Variants in SPICE1 observed in about 807,000 individuals in gnomAD.
The protein encoded by SPICE1 is spindle and centriole associated protein 1.
Under a neutral mutation model 102.7 loss-of-function variants are expected in SPICE1, and 75 were observed. The ratio of observed to expected loss-of-function variants is 0.73; its 90% CI spans 0.61 to 0.88. The LOEUF (loss-of-function observed/expected upper bound fraction) is 0.88, where lower values mean the gene tolerates loss of function less well. SPICE1 is among the 40% of genes least tolerant of loss of function. The pLI, the probability that SPICE1 is intolerant of heterozygous loss-of-function variation, is 0.00. For synonymous variants in SPICE1, 308 were observed against 350.3 expected, an observed-to-expected ratio of 0.88 and a Z score of 1.35; for missense variants, 979 against 1,020.1, an observed-to-expected ratio of 0.96 and a Z score of 0.55.
chr3:113,470,643 T>C (rs554012850), intron 7 of SPICE1, among the ~76,000 whole-genome samples: 25 of 152,342 alleles, frequency 1.6e-4, no homozygotes, highest in African/African-American at 6.0e-4. Context: ...TAAGTTCAAC[T>C]GTTTTAATTT....
rs759760969 is a variant in SPICE1, at chr3:113,457,359, TGAA to T, written c.1436-5_1436-3del. ...CATTGGCATTTACAACTGGACGCTC[TGAA>T]GAAGATGAGAGGATATTAGTACAAT... On this transcript the variant is annotated splice_region_variant and splice_polypyrimidine_tract_variant and intron_variant, in intron 12 of 17. Coordinates refer to ENST00000295872, the MANE Select transcript of SPICE1 (RefSeq NM_144718.4). 1.9e-5 allele frequency: 30 copies of T among 1,613,842 alleles called. No homozygotes were observed. Among genetic ancestry groups the T allele is most frequent in the Non-Finnish European group, 1.7e-6 (2 of 1,179,928 alleles).
chr3:113,513,025 T>G (rs1316407929), intron 1 of SPICE1, among the ~76,000 whole-genome samples: 1 of 152,180 alleles, frequency 6.6e-6, no homozygotes, highest in Non-Finnish European at 1.5e-5. Context: ...CCTCCCTCAG[T>G]GACCTCACCA....
chr3:113,498,271 C>G (rs1290554911), intron 4 of SPICE1, among the ~76,000 whole-genome samples: 1 of 152,116 alleles, frequency 6.6e-6, no homozygotes, highest in Non-Finnish European at 1.5e-5. Context: ...GGCAGCAGAT[C>G]TACAAAAAGA....
intron 7 of SPICE1, among the ~76,000 whole-genome samples, chr3:113,474,262 T>G (rs1186348223): frequency 2.0e-5 from 3 of 152,040 alleles, no homozygotes; most frequent in Admixed American, 6.5e-5. Context: ...ATGCACCCAA[T>G]ACAGGAGCAC....
At chr3:113,506,053 T>C (rs1256966327) in intron 2 of SPICE1, among the ~76,000 whole-genome samples, 1 of 152,156 alleles carries the variant, frequency 6.6e-6, no homozygotes, top group Admixed American at 6.5e-5. Context: ...ATTGAGCAAT[T>C]CATGGGATAA....
intron 7 of SPICE1, among the ~76,000 whole-genome samples, chr3:113,484,381 A>T (rs888903604): frequency 2.6e-5 from 4 of 151,844 alleles, no homozygotes; most frequent in African/African-American, 9.7e-5. Flanking sequence ...TATCCCCTTC[A>T]GTTCTGCTTT....
chr3:113,454,653 T>C (rs1379515329), intron 13 of SPICE1, among the ~76,000 whole-genome samples: 1 of 151,328 alleles, frequency 6.6e-6, no homozygotes, highest in African/African-American at 2.4e-5. Context: ...GAGGCAGAGG[T>C]TGCAGTGAGC....
intron 6 of SPICE1, among the ~76,000 whole-genome samples, chr3:113,490,926 C>T (rs536155549): frequency 1.1e-3 from 170 of 152,298 alleles, no homozygotes; most frequent in African/African-American, 4.0e-3. Flanking sequence ...GGCTTTGGGT[C>T]AGGCCCTCAC....
intron 7 of SPICE1, among the ~76,000 whole-genome samples, chr3:113,471,755 A>T (rs892662955): frequency 6.6e-6 from 1 of 152,232 alleles, no homozygotes; most frequent in Non-Finnish European, 1.5e-5. Context: ...ATAGGAACAT[A>T]GAAAAGCTCA....
chr3:113,447,768 C>T (rs925839635), intron 16 of SPICE1, among the ~76,000 whole-genome samples: 1 of 152,188 alleles, frequency 6.6e-6, no homozygotes, highest in Non-Finnish European at 1.5e-5. Context: ...TGTCATACAT[C>T]ATCTCCTAAT....
rs201709516 is a variant in SPICE1 at position 113,467,051 on chromosome 3, C to CA, written c.1155+1087dup. On this transcript the variant is annotated intron_variant, in intron 10 of 17. Transcript: ENST00000295872. ...TGGGCAACAGAATGAGACCCTGTCT[C>CA]AAAAAAAAAGCAATTCAATTTTAGG... Among the ~76,000 whole-genome samples the CA allele has an allele frequency of 4.0e-3, 603 of 149,228 alleles. 5 individuals carry two copies. The highest frequency in any genetic ancestry group is 0.014 in the African/African-American group (578 of 40,692).
intron 6 of SPICE1, among the ~76,000 whole-genome samples, chr3:113,490,036 C>G (rs544485771): frequency 6.6e-6 from 1 of 152,070 alleles, no homozygotes; most frequent in South Asian, 2.1e-4. Context: ...TAAGTAAGCA[C>G]TCAATAAATT....
rs766658524 is a variant in SPICE1, at chr3:113,465,732, A to G, written c.1208T>C (p.Val403Ala). 2.1e-5 allele frequency: 34 copies of G among 1,613,820 alleles called. No individual in the cohort carries two copies. The highest frequency in any genetic ancestry group is 2.7e-5 in the Non-Finnish European group (32 of 1,179,918). ...EVETRQQLEQ[V>A]LGDHRELIDA... Reference sequence around the variant, plus strand: ...AATGAGCTCTCGATGATCACCTAATACTTGTTCCAGTTGTTGCCTTGTCTC... The same window carrying G: ...AATGAGCTCTCGATGATCACCTAATGCTTGTTCCAGTTGTTGCCTTGTCTC... Residue 403 changes from valine to alanine, a missense_variant, in exon 11 of 18, where the codon GTA (valine) becomes GCA (alanine). Physicochemically the swap from Val to Ala is moderately conservative, Grantham distance 64 (BLOSUM62 0). Transcript: ENST00000295872.
intron 10 of SPICE1, among the ~76,000 whole-genome samples, chr3:113,467,050 T>TC (rs1288621877): frequency 6.6e-6 from 1 of 151,674 alleles, no homozygotes; most frequent in Non-Finnish European, 1.5e-5. Context: ...AGACCCTGTC[T>TC]CAAAAAAAAA....
At chr3:113,468,534 A>G (rs1490261747) in intron 9 of SPICE1, 130 bp from the exon 10 acceptor site, 2 of 1,202,776 alleles carry the variant, frequency 1.7e-6, no homozygotes, top group African/African-American at 3.1e-5. Context: ...CATTTCTCTC[A>G]TAAAAATTAA....
At chr3:113,456,220 TG>T (rs1383410650) in intron 13 of SPICE1, among the ~76,000 whole-genome samples, 11 of 152,278 alleles carry the variant, frequency 7.2e-5, no homozygotes, top group Non-Finnish European at 1.2e-4. Flanking sequence ...TGTCCTTTAT[TG>T]GAAACATACA....
chr3:113,445,994 T>G (rs561224602), intron 17 of SPICE1, among the ~76,000 whole-genome samples: 1 of 152,250 alleles, frequency 6.6e-6, no homozygotes, highest in Non-Finnish European at 1.5e-5. Flanking sequence ...AAAGGAACTA[T>G]ATTTTACTGT....
At chr3:113,449,799 A>AT in intron 15 of SPICE1, 1 of 154,720 alleles carries the variant, frequency 6.5e-6, no homozygotes, top group Non-Finnish European at 1.4e-5. Flanking sequence ...GCAATTTCTG[A>AT]TAAAAAGCAA....
At chr3:113,511,661 G>C (rs182313789) in intron 1 of SPICE1, among the ~76,000 whole-genome samples, 1 of 152,228 alleles carries the variant, frequency 6.6e-6, no homozygotes, top group East Asian at 1.9e-4. Flanking sequence ...GCTAATGCAC[G>C]CTAGATTTAA....
Sources: gnomAD v4.1 joint callset for allele counts (sites outside exome capture counted in the v4.1 genomes callset) on GRCh38, gnomAD v4.1.1 for gene constraint, MANE v1.5 for transcripts, NCBI Gene and HGNC (gene_info 2026-07-23, HGNC 2026-07-21) for gene names.